The following RAB38 variants were observed in gnomAD, a reference collection of about 807,000 sequenced individuals.
RAB38 encodes RAB38, member RAS oncogene family, also known as ras-related protein Rab-38.
Under a neutral mutation model 18.4 loss-of-function variants are expected in RAB38, and 15 were observed. The observed-to-expected ratio is 0.82, with a 90% confidence interval of 0.55 to 1.26. RAB38 has a LOEUF of 1.26. Ranked by LOEUF, RAB38 falls within the 50% of genes most tolerant of loss-of-function variation. The pLI is 0.00. For missense variants in RAB38, 294 were observed against 267.4 expected (o/e 1.10, Z -0.69); for synonymous variants, 101 against 104.4 (o/e 0.97, Z 0.20).
At chr11:88,042,745 T>C in the RAB38 span, among the ~76,000 whole-genome samples, 1 of 152,158 alleles carries the variant, frequency 6.6e-6, no homozygotes. Flanking sequence ...CATGGGAAGC[T>C]TTGCCTGGAA....
chr11:87,920,658 T>A, the RAB38 span, among the ~76,000 whole-genome samples: 1 of 152,022 alleles, frequency 6.6e-6, no homozygotes, highest in African/African-American at 2.4e-5. Flanking sequence ...GTCCATTTGG[T>A]CTAAAGTACA....
the RAB38 span, among the ~76,000 whole-genome samples, chr11:87,807,079 G>A: frequency 0.89 from 135,870 of 152,140 alleles, 60,818 homozygotes; most frequent in East Asian, 0.99. Flanking sequence ...TCTATTGTGA[G>A]CTGTGTATGC....
the RAB38 span, chr11:87,816,872 T>G: frequency 6.6e-6 from 1 of 152,140 alleles, no homozygotes; most frequent in Non-Finnish European, 1.5e-5. Flanking sequence ...ATCTATATTT[T>G]TACCAGGTAC....
chr11:87,811,680 G>A, the RAB38 span, among the ~76,000 whole-genome samples: 2 of 152,176 alleles, frequency 1.3e-5, no homozygotes, highest in South Asian at 4.1e-4. Context: ...CATTGTGGTT[G>A]TCTTAAACCT....
At chr11:87,883,494 G>A in the RAB38 span, among the ~76,000 whole-genome samples, 6 of 151,866 alleles carry the variant, frequency 4.0e-5, no homozygotes, top group African/African-American at 1.2e-4. Flanking sequence ...TGCATGAAAA[G>A]GATTATAAAT....
At chr11:88,114,183 T>C (rs1942516727) in intron 2 of RAB38, 43 bp from the exon 3 acceptor site, 5 of 1,595,866 alleles carry the variant, frequency 3.1e-6, no homozygotes, top group African/African-American at 2.7e-5. Context: ...TTCAATACTC[T>C]GAAATAATGC....
At chr11:87,805,522 A>G in the RAB38 span, among the ~76,000 whole-genome samples, 1 of 151,738 alleles carries the variant, frequency 6.6e-6, no homozygotes, top group South Asian at 2.1e-4. Flanking sequence ...AGAAGATATA[A>G]TCTCTGCTCA....
chr11:88,135,520 G>T (rs748323228), intron 2 of RAB38, among the ~76,000 whole-genome samples: 3 of 152,198 alleles, frequency 2.0e-5, no homozygotes, highest in Non-Finnish European at 2.9e-5. Context: ...CATGCAAATG[G>T]TAGAGAAGAT....
At chr11:87,965,292 T>TA in the RAB38 span, among the ~76,000 whole-genome samples, 104,929 of 146,796 alleles carry the variant, frequency 0.71, 37,288 homozygotes, top group East Asian at 0.91. Context: ...TGTGTCTCAA[T>TA]AAAAAAAAAA....
the RAB38 span, among the ~76,000 whole-genome samples, chr11:88,072,657 T>C: frequency 6.6e-6 from 1 of 151,740 alleles, no homozygotes; most frequent in Non-Finnish European, 1.5e-5. Flanking sequence ...AAAAAATAAA[T>C]CACAAGGAAA....
the RAB38 span, among the ~76,000 whole-genome samples, chr11:87,893,944 G>A: frequency 4.0e-5 from 6 of 151,558 alleles, no homozygotes; most frequent in African/African-American, 1.2e-4. Flanking sequence ...TGCTATTTGT[G>A]AAAATAAAAT....
the RAB38 span, among the ~76,000 whole-genome samples, chr11:88,004,421 A>C: frequency 6.6e-6 from 1 of 151,278 alleles, no homozygotes; most frequent in African/African-American, 2.4e-5. Context: ...TTAGAAATTC[A>C]GTACCAATTC....
Position 88,130,342 on chromosome 11 carries a change from G to A in RAB38, c.484-16202C>T, listed in dbSNP as rs571704459. On this transcript the variant is annotated intron_variant, in intron 2 of 2. Coordinates refer to ENST00000243662, the MANE Select transcript of RAB38 (RefSeq NM_022337.3). Reference sequence around the variant, plus strand: ...TGAACGCAGAACAGATTCGAGCGGTGTCTGAACTCATCCACATGGGCTCAG... The same window carrying A: ...TGAACGCAGAACAGATTCGAGCGGTATCTGAACTCATCCACATGGGCTCAG... Among the ~76,000 whole-genome samples the A allele has an allele frequency of 5.3e-5, 8 of 152,292 alleles. No individual in the cohort carries two copies. The East Asian group carries it at 1.5e-3, about 29-fold the overall frequency.
the RAB38 span, among the ~76,000 whole-genome samples, chr11:87,890,743 C>A: frequency 2.6e-5 from 4 of 151,822 alleles, no homozygotes; most frequent in Non-Finnish European, 5.9e-5. Flanking sequence ...TGTACTAATT[C>A]TTTCCCACTT....
At chr11:88,106,120 T>C in the RAB38 span, among the ~76,000 whole-genome samples, 8 of 152,188 alleles carry the variant, frequency 5.3e-5, no homozygotes, top group South Asian at 2.1e-4. Flanking sequence ...AATGAAACTG[T>C]AGACTTAAAG....
chr11:88,135,180 C>T (rs1297679092), intron 2 of RAB38, among the ~76,000 whole-genome samples: 1 of 152,154 alleles, frequency 6.6e-6, no homozygotes, highest in Non-Finnish European at 1.5e-5. Context: ...TCTCTTTTTA[C>T]TCCTCCCTAT....
the RAB38 span, among the ~76,000 whole-genome samples, chr11:87,901,601 T>C: frequency 6.6e-6 from 1 of 151,644 alleles, no homozygotes; most frequent in East Asian, 2.0e-4. Flanking sequence ...CAGTAGTATA[T>C]GCTGCCTTGC....
At chr11:88,128,693 G>A (rs1211859577) in intron 2 of RAB38, among the ~76,000 whole-genome samples, 2 of 152,164 alleles carry the variant, frequency 1.3e-5, no homozygotes, top group African/African-American at 2.4e-5. Flanking sequence ...AAGAGAAAAG[G>A]CTTCCTACCC....
In RAB38 at chr11:88,149,866, A is replaced by C. The variant is rs1943041950; in HGVS notation, c.292T>G (p.Phe98Val). 6.2e-7 allele frequency: 1 copy of C among 1,614,074 alleles called. No individual in the cohort carries two copies. The highest frequency in any genetic ancestry group is 8.5e-7 in the Non-Finnish European group (1 of 1,180,004). Residue 98 changes from phenylalanine to valine, a missense_variant, in exon 2 of 3, where the codon TTT (phenylalanine) becomes GTT (valine). Coordinates refer to ENST00000243662, the MANE Select transcript of RAB38 (RefSeq NM_022337.3). ...TTTTTCCACTTTGCCACTGCTTCAA[A>C]TGTGGCTGGCCTGGTGACATCGAAG... ...IVFDVTRPAT[F>V]EAVAKWKNDL...
Sources: allele counts gnomAD v4.1 joint callset (sites outside exome capture counted in the v4.1 genomes callset), GRCh38; gene constraint gnomAD v4.1.1; transcripts MANE v1.5; gene names NCBI Gene and HGNC (gene_info 2026-07-23, HGNC 2026-07-21).